Variants in PFKFB3 observed in about 807,000 individuals in gnomAD.
PFKFB3 encodes 6-phosphofructo-2-kinase/fructose-2,6-bisphosphatase 3.
PFKFB3 carries 33 observed loss-of-function variants against 68.0 expected under a neutral mutation model. That is an observed-to-expected ratio of 0.49 (90% CI 0.37 to 0.65). The LOEUF (loss-of-function observed/expected upper bound fraction) is 0.65, where lower values mean the gene tolerates loss of function less well. Among genes scored for constraint, PFKFB3 ranks in the 30% least tolerant of loss-of-function variants. The pLI is 0.00. For missense variants in PFKFB3, 586 were observed against 712.2 expected, an observed-to-expected ratio of 0.82 and a Z score of 2.02; for synonymous variants, 315 against 288.2, an observed-to-expected ratio of 1.09 and a Z score of -0.94.
At chr10:6,282,894 G>C in the PFKFB3 span, among the ~76,000 whole-genome samples, 1 of 152,150 alleles carries the variant, frequency 6.6e-6, no homozygotes, top group African/African-American at 2.4e-5. Context: ...ACCAGGTATG[G>C]GGTTTAATCT....
chr10:6,177,438 C>CTCTTTCTTTCTCTTTCTT (rs1842540023), intron 1 of PFKFB3, among the ~76,000 whole-genome samples: 1 of 86,630 alleles, frequency 1.2e-5, no homozygotes, highest in Non-Finnish European at 2.3e-5. Context: ...TCTTTTCTTT[C>CTCTTTCTTTCTCTTTCTT]TCTTTCTTTC....
At chr10:6,161,398 C>T (rs11597094) in intron 1 of PFKFB3, among the ~76,000 whole-genome samples, 60,401 of 151,884 alleles carry the variant, frequency 0.4, 13,374 homozygotes, top group Non-Finnish European at 0.51. Flanking sequence ...CCATTTGTAA[C>T]TAAAAAGTTA....
chr10:6,170,053 G>C (rs613960), intron 1 of PFKFB3, among the ~76,000 whole-genome samples: 29,545 of 152,154 alleles, frequency 0.19, 3,352 homozygotes, highest in Non-Finnish European at 0.26. Context: ...TGGGACTTCT[G>C]TTTGTGGTTA....
At chr10:6,184,670 C>T (rs1842820985) in intron 1 of PFKFB3, among the ~76,000 whole-genome samples, 2 of 151,886 alleles carry the variant, frequency 1.3e-5, no homozygotes, top group African/African-American at 4.8e-5. Flanking sequence ...GGGGGTTTTA[C>T]CACGTTGGCC....
intron 14 of PFKFB3, among the ~76,000 whole-genome samples, chr10:6,230,291 C>T (rs982352440): frequency 2.0e-5 from 3 of 152,144 alleles, no homozygotes; most frequent in African/African-American, 7.2e-5. Context: ...ACATCTGATT[C>T]TAGGAGTCCA....
At chr10:6,212,282 G>A (rs748631887) in intron 1 of PFKFB3, among the ~76,000 whole-genome samples, 4 of 152,266 alleles carry the variant, frequency 2.6e-5, no homozygotes, top group Admixed American at 1.3e-4. Context: ...GGCGACAGCC[G>A]GGGAGATACT....
downstream of PFKFB3, among the ~76,000 whole-genome samples, chr10:6,257,341 C>T (rs1036227242): frequency 2.6e-5 from 4 of 152,176 alleles, no homozygotes; most frequent in Non-Finnish European, 4.4e-5. Flanking sequence ...GTGGGCTGAA[C>T]TTTTTGATCC....
At chr10:6,241,168 G>A (rs1049097880) in intron 14 of PFKFB3, among the ~76,000 whole-genome samples, 3 of 152,122 alleles carry the variant, frequency 2.0e-5, no homozygotes, top group African/African-American at 7.2e-5. Flanking sequence ...GCCTCCCAAA[G>A]TGCTGGGATT....
chr10:6,147,219 C>G (rs188666360), intron 1 of PFKFB3, among the ~76,000 whole-genome samples: 1 of 152,180 alleles, frequency 6.6e-6, no homozygotes, highest in Non-Finnish European at 1.5e-5. Context: ...GTGCAGGAGA[C>G]GCCAGTGCAG....
chr10:6,318,761 C>T, the PFKFB3 span, among the ~76,000 whole-genome samples: 4 of 152,266 alleles, frequency 2.6e-5, no homozygotes, highest in African/African-American at 9.6e-5. Context: ...AACATTATTC[C>T]CAGGAGGCAA....
intron 1 of PFKFB3, chr10:6,146,547 G>T: frequency 6.7e-7 from 1 of 1,485,924 alleles, no homozygotes; most frequent in Non-Finnish European, 9.1e-7. Context: ...CTCTCAGAGT[G>T]TCCCTCCCCC....
the PFKFB3 span, among the ~76,000 whole-genome samples, chr10:6,282,131 G>A: frequency 1.3e-4 from 19 of 151,890 alleles, no homozygotes; most frequent in African/African-American, 3.9e-4. Context: ...CACCATGCCC[G>A]GCTGAATTTT....
chr10:6,199,231 G>A (rs1031698728), upstream of PFKFB3, among the ~76,000 whole-genome samples: 1 of 152,146 alleles, frequency 6.6e-6, no homozygotes, highest in Non-Finnish European at 1.5e-5. Context: ...ACTCTCTCTG[G>A]GGCAGCGGGT....
chr10:6,220,575 G>T lies in PFKFB3; in HGVS notation c.624-83G>T. ...CGGTCCCGCCTTGCTGTTCTCTGGG[G>T]ATCACATCTTCGGAGACGGGCCAGG... On this transcript the variant is annotated intron_variant, in intron 7 of 14. Coordinates refer to ENST00000379775, the MANE Select transcript of PFKFB3 (RefSeq NM_004566.4). This position sits in a 1 kb window ranked among gnomAD's most constrained non-coding sequence, Gnocchi z 4.1. The T allele has an allele frequency of 7.8e-7, 1 of 1,274,374 alleles. No individual in the cohort carries two copies. Among genetic ancestry groups the T allele is most frequent in the East Asian group, 2.3e-5 (1 of 43,308 alleles). 78.9% of individuals were successfully genotyped at this position (1,274,374 alleles called of 1,614,324 possible). A position where few individuals can be genotyped will look rare whatever the true frequency, so the allele number is the denominator to read the frequency against.
At chr10:6,302,419 T>A in the PFKFB3 span, among the ~76,000 whole-genome samples, 1 of 125,278 alleles carries the variant, frequency 8.0e-6, no homozygotes, top group East Asian at 2.7e-4. Flanking sequence ...TCTTGTTCTG[T>A]TGCCCAGGCT....
At chr10:6,163,512 C>T (rs1454753559) in intron 1 of PFKFB3, among the ~76,000 whole-genome samples, 1 of 152,082 alleles carries the variant, frequency 6.6e-6, no homozygotes, top group Admixed American at 6.5e-5. Flanking sequence ...AGGTGGGGAC[C>T]CAGCTGGGAG....
At chr10:6,325,179 GT>G in the PFKFB3 span, among the ~76,000 whole-genome samples, 1 of 152,128 alleles carries the variant, frequency 6.6e-6, no homozygotes, top group South Asian at 2.1e-4. Flanking sequence ...GCCCAGGCTG[GT>G]CTCAAACTCC....
chr10:6,195,812 G>A (rs1335967970), intron 1 of PFKFB3, among the ~76,000 whole-genome samples: 7 of 152,222 alleles, frequency 4.6e-5, no homozygotes, highest in African/African-American at 1.7e-4. Flanking sequence ...CCAAGGTGGT[G>A]TGATACGTGA....
intron 10 of PFKFB3, chr10:6,222,652 C>A: frequency 4.4e-6 from 2 of 457,390 alleles, no homozygotes; most frequent in Non-Finnish European, 7.6e-6. Flanking sequence ...CAGGTTCCCC[C>A]GTGTGGGAGC....
Sources: gnomAD v4.1 joint callset for allele counts (sites outside exome capture counted in the v4.1 genomes callset) on GRCh38, gnomAD v4.1.1 for gene constraint, Gnocchi (gnomAD v3.1) non-coding constraint, MANE v1.5 for transcripts, NCBI Gene and HGNC (gene_info 2026-07-23, HGNC 2026-07-21) for gene names.